Variants in EVC2 observed in about 807,000 individuals in gnomAD.
EVC2 encodes limbin.
A neutral mutation model predicts 149.3 loss-of-function variants in EVC2; 148 were observed. The ratio of observed to expected loss-of-function variants is 0.99; its 90% confidence interval spans 0.87 to 1.14. The LOEUF is 1.14. Ranked by LOEUF, EVC2 falls within the 50% of genes most tolerant of loss-of-function variation. The pLI is 0.00. For synonymous variants in EVC2, 776 were observed against 649.9 expected, an observed-to-expected ratio of 1.19 and a Z score of -2.95; for missense variants, 1,854 against 1,627.3, an observed-to-expected ratio of 1.14 and a Z score of -2.40.
chr4:5,623,320 A>G (rs2108839936), intron 13 of EVC2, among the ~76,000 whole-genome samples: 1 of 151,132 alleles, frequency 6.6e-6, no homozygotes, highest in East Asian at 1.9e-4. Flanking sequence ...TTAAAAAACT[A>G]ATTTATTTTA....
intron 21 of EVC2, among the ~76,000 whole-genome samples, chr4:5,549,098 A>G (rs578006091): frequency 6.6e-6 from 1 of 151,864 alleles, no homozygotes; most frequent in South Asian, 2.1e-4. Flanking sequence ...TTCTCAGGTC[A>G]TCAAATATTC....
At chr4:5,681,734 GC>G (rs1720359050) in intron 6 of EVC2, among the ~76,000 whole-genome samples, 1 of 152,148 alleles carries the variant, frequency 6.6e-6, no homozygotes, top group African/African-American at 2.4e-5. Flanking sequence ...GATTCTCCAA[GC>G]CCCAACCCGC....
chr4:5,542,936 C>T (rs1327792495), intron 22 of EVC2: 1 of 350,912 alleles, frequency 2.8e-6, no homozygotes. Flanking sequence ...CATCGGTAAC[C>T]AATGATTTTC....
In EVC2 at chr4:5,577,265, G is replaced by A. The variant is rs74974354; in HGVS notation, c.3058-811C>T. Among the ~76,000 whole-genome samples, 718 of 152,308 alleles carry A rather than the reference G, an allele frequency of 4.7e-3. 4 individuals carry two copies. Among genetic ancestry groups the A allele is most frequent in the African/African-American group, 0.016 (682 of 41,564 alleles). On this transcript the variant is annotated intron_variant, in intron 17 of 21. Coordinates refer to ENST00000344408, the MANE Select transcript of EVC2 (RefSeq NM_147127.5). ...CTGAAATTGCAGTCTTAACCACTAA[G>A]CTACATTGTCTCTCCTTGGCCAAAC...
At chr4:5,674,167 GGGCAAAGA>G (rs1393269366) in intron 7 of EVC2, among the ~76,000 whole-genome samples, 3 of 152,194 alleles carry the variant, frequency 2.0e-5, no homozygotes, top group Non-Finnish European at 4.4e-5. Flanking sequence ...GCAGCCCTGA[GGGCAAAGA>G]GACCCTTGGC....
intron 16 of EVC2, among the ~76,000 whole-genome samples, chr4:5,610,794 C>CTTTTTTTT (rs10690279): frequency 1.3e-4 from 17 of 126,450 alleles, no homozygotes; most frequent in African/African-American, 2.7e-4. Flanking sequence ...TTTTCCTTTT[C>CTTTTTTTT]TTTTTTTTTT....
chr4:5,584,982 C>T (rs942661027), intron 16 of EVC2, 132 bp from the exon 17 acceptor site: 2 of 952,248 alleles, frequency 2.1e-6, no homozygotes, highest in African/African-American at 3.2e-5. Flanking sequence ...TGGAGACGCA[C>T]TGGGAACCTG....
At chr4:5,604,251 C>T (rs1035714201) in intron 16 of EVC2, among the ~76,000 whole-genome samples, 6 of 152,240 alleles carry the variant, frequency 3.9e-5, no homozygotes, top group East Asian at 3.9e-4. Context: ...AATGCTATGC[C>T]GCTGTGAAAA....
chr4:5,531,181 G>C, the EVC2 span, among the ~76,000 whole-genome samples: 5 of 152,260 alleles, frequency 3.3e-5, no homozygotes, highest in African/African-American at 1.2e-4. Flanking sequence ...GGCTGCACCA[G>C]TGACAAGCGA....
In EVC2 at chr4:5,567,230, A is replaced by T. The variant is rs1722340357; in HGVS notation, c.3557+1214T>A. Among the ~76,000 whole-genome samples the T allele has an allele frequency of 6.6e-6, 1 of 152,082 alleles. No homozygotes were observed. The highest frequency in any genetic ancestry group is 1.5e-5 in the Non-Finnish European group (1 of 68,028). ...TATACTGGGCCCCAAGGCCACTAGG[A>T]AGGCTCTTCGACACTGTGGCCTCCT... On this transcript the variant is annotated intron_variant, in intron 20 of 21. Coordinates refer to ENST00000344408, the MANE Select transcript of EVC2 (RefSeq NM_147127.5). This position sits in a 1 kb window ranked among gnomAD's most constrained non-coding sequence, Gnocchi z 4.4.
chr4:5,703,587 T>A (rs1043525275), intron 1 of EVC2, among the ~76,000 whole-genome samples: 2 of 152,166 alleles, frequency 1.3e-5, no homozygotes, highest in Admixed American at 6.6e-5. Context: ...GCCTCACCAC[T>A]TCCTGCCAAC....
intron 3 of EVC2, among the ~76,000 whole-genome samples, chr4:5,692,617 C>T (rs917331527): frequency 6.6e-6 from 1 of 151,832 alleles, no homozygotes; most frequent in Admixed American, 6.6e-5. Context: ...CCTGTAATCC[C>T]AGCACTTTGG....
chr4:5,604,313 A>G (rs532041583), intron 16 of EVC2, among the ~76,000 whole-genome samples: 2 of 152,358 alleles, frequency 1.3e-5, no homozygotes, highest in African/African-American at 4.8e-5. Context: ...AGTTTCAGAT[A>G]AAGCAAAAAG....
chr4:5,549,502 C>T (rs1417919120), intron 21 of EVC2, among the ~76,000 whole-genome samples: 1 of 152,196 alleles, frequency 6.6e-6, no homozygotes, highest in African/African-American at 2.4e-5. Flanking sequence ...AAAGCATTTA[C>T]CCATTTTCCA....
chr4:5,539,643 T>C (rs891647265), downstream of EVC2, among the ~76,000 whole-genome samples: 3 of 152,228 alleles, frequency 2.0e-5, no homozygotes, highest in South Asian at 4.1e-4. Flanking sequence ...CATATGTATA[T>C]GACTGATTTT....
intron 21 of EVC2, among the ~76,000 whole-genome samples, chr4:5,552,033 C>T (rs565359995): frequency 1.3e-5 from 2 of 152,112 alleles, no homozygotes; most frequent in Admixed American, 6.5e-5. Context: ...TTATCAGCGG[C>T]GTGAAAATAG....
chr4:5,694,739 T>G (rs1721357203), intron 2 of EVC2, among the ~76,000 whole-genome samples: 1 of 152,168 alleles, frequency 6.6e-6, no homozygotes, highest in Non-Finnish European at 1.5e-5. Context: ...CTTACCTGGG[T>G]TGTGCAGCCC....
intron 5 of EVC2, among the ~76,000 whole-genome samples, chr4:5,687,665 A>T (rs1720817549): frequency 6.6e-6 from 1 of 152,070 alleles, no homozygotes; most frequent in South Asian, 2.1e-4. Context: ...GTATATTCAG[A>T]GTTGGGGAGA....
At position 5,691,321 on chromosome 4, in the gene EVC2, A is replaced by G. The variant is rs143388379; in HGVS notation, c.463T>C (p.Ser155Pro). The G allele has an allele frequency of 3.9e-4, 621 of 1,612,846 alleles. 4 individuals carry two copies. In the African/African-American group the frequency reaches 5.4e-3, roughly 14 times the overall value. ...TCAGAAGTCCCTTGAACTTCTCTTGAAATGTCCCCATACTACAATAAAATG... is the reference window on the plus strand; with the variant it reads ...TCAGAAGTCCCTTGAACTTCTCTTGGAATGTCCCCATACTACAATAAAATG... Reference protein sequence around the residue: ...PITHRLYGDISREVQGTSENG... With the variant: ...PITHRLYGDIPREVQGTSENG... The change falls in exon 4 of 22, where the codon TCA (serine) becomes CCA (proline). Residue 155 changes from serine to proline, a missense_variant. Physicochemically the swap from Ser to Pro is moderately conservative, Grantham distance 74. Coordinates refer to ENST00000344408, the MANE Select transcript of EVC2 (RefSeq NM_147127.5).
Sources: gnomAD v4.1 joint callset for allele counts (sites outside exome capture counted in the v4.1 genomes callset) on GRCh38, gnomAD v4.1.1 for gene constraint, Gnocchi (gnomAD v3.1) non-coding constraint, MANE v1.5 for transcripts, NCBI Gene and HGNC (gene_info 2026-07-23, HGNC 2026-07-21) for gene names.